UBE4A: variants seen among roughly 807,000 people sequenced by gnomAD.
UBE4A encodes ubiquitin conjugation factor E4 A.
In UBE4A, 48 loss-of-function variants were observed where a neutral mutation model predicts 117.9. The ratio of observed to expected loss-of-function variants is 0.41; its 90% CI spans 0.32 to 0.52. The LOEUF (loss-of-function observed/expected upper bound fraction) is 0.52. UBE4A is among the 20% of genes least tolerant of loss of function. The probability of loss-of-function intolerance (pLI) is 0.33; values close to 1 mark genes in which losing one functional copy is unlikely to be tolerated. For synonymous variants in UBE4A, 407 were observed against 450.0 expected (o/e 0.90, Z 1.21); for missense variants, 1,067 against 1,296.3 (o/e 0.82, Z 2.72).
At chr11:118,372,993 A>AG (rs976119606) in intron 6 of UBE4A, 93 bp from the exon 7 acceptor site, 2 of 1,261,350 alleles carry the variant, frequency 1.6e-6, no homozygotes, top group African/African-American at 3.0e-5. Context: ...TCTAAAAAAA[A>AG]AAAAAAAAGA....
intron 12 of UBE4A, 40 bp downstream of exon 12, chr11:118,381,563 G>A: frequency 1.9e-6 from 3 of 1,599,726 alleles, no homozygotes; most frequent in East Asian, 2.2e-5. Context: ...TGTTTAGGCT[G>A]TAAAACATTC....
chr11:118,380,182 A>C (rs1555126103), intron 11 of UBE4A, among the ~76,000 whole-genome samples: 2 of 143,434 alleles, frequency 1.4e-5, no homozygotes, highest in South Asian at 4.4e-4. Flanking sequence ...TGTGTCAGTG[A>C]GTCATTGAGG....
intron 16 of UBE4A, 98 bp downstream of exon 16, chr11:118,386,710 G>C: frequency 7.7e-7 from 1 of 1,305,974 alleles, no homozygotes; most frequent in Non-Finnish European, 1.0e-6. Context: ...TTCAGACCCT[G>C]GTGACAGTAT....
intron 12 of UBE4A, 128 bp downstream of exon 12, chr11:118,381,651 A>G (rs1565535621): frequency 4.7e-6 from 6 of 1,266,820 alleles, no homozygotes; most frequent in Non-Finnish European, 6.5e-6. Context: ...ACATTAAGGA[A>G]TCACCTGACC....
chr11:118,392,237 GT>G (rs1395799655), intron 18 of UBE4A, among the ~76,000 whole-genome samples: 6 of 152,112 alleles, frequency 3.9e-5, no homozygotes, highest in Admixed American at 3.9e-4. Flanking sequence ...GCTTAGCCAG[GT>G]GGATCCCTGA....
Position 118,396,535 on chromosome 11 carries a change from T to A in UBE4A, c.*95T>A. On this transcript the variant is annotated 3_prime_UTR_variant, in exon 20 of 20. Coordinates refer to ENST00000252108, the MANE Select transcript of UBE4A (RefSeq NM_001204077.2). The stretch of plus-strand genomic sequence containing the variant: ...TTCTGGTTCTGTTCCTTTTCTTTCT[T>A]CTTTTCTTTTTCTTTTTTTTTTTTT... 3 of 1,418,090 alleles carry A rather than the reference T, an allele frequency of 2.1e-6. No individual in the cohort carries two copies. The highest frequency in any genetic ancestry group is 2.7e-5 in the Admixed American group (1 of 36,864). The allele number at this position is 1,418,090 out of a possible 1,614,324, so 87.8% of individuals were successfully genotyped here.
At chr11:118,396,093 CAAA>C (rs377030115) in intron 19 of UBE4A, among the ~76,000 whole-genome samples, 8 of 80,632 alleles carry the variant, frequency 9.9e-5, no homozygotes, top group East Asian at 3.4e-4. Context: ...AGACTGTCTC[CAAA>C]AAAAAAAAAA....
chr11:118,370,110 A>T lies in UBE4A; in HGVS notation c.408+575A>T, dbSNP rs545890742. On this transcript the variant is annotated intron_variant, in intron 4 of 19. Transcript: ENST00000252108. ...CCGTCTCAAAAAAAAAAAAGAAAAA[A>T]TTACAAAGCCTTGCCAAATAAAAGT... is the stretch of plus-strand genomic sequence containing the variant. Among the ~76,000 whole-genome samples the T allele has an allele frequency of 3.3e-5, 5 of 151,970 alleles. No homozygotes were observed. In the South Asian group the frequency reaches 1.0e-3, roughly 32 times the overall value.
intron 19 of UBE4A, among the ~76,000 whole-genome samples, chr11:118,393,913 GT>G (rs1413320315): frequency 1.3e-5 from 2 of 151,802 alleles, no homozygotes; most frequent in African/African-American, 4.8e-5. Flanking sequence ...TCTAATTCAG[GT>G]TTTACACTAT....
chr11:118,376,717 G>GA, intron 10 of UBE4A, 23 bp downstream of exon 10: 1 of 1,607,320 alleles, frequency 6.2e-7, no homozygotes, highest in Non-Finnish European at 8.5e-7. Context: ...ATGTCATTAG[G>GA]AAAAAACAGT....
Position 118,376,600 on chromosome 11 carries a change from C to T in UBE4A, c.1477C>T (p.Pro493Ser). 6.2e-7 allele frequency: 1 copy of T among 1,613,484 alleles called. No homozygotes were observed. The highest frequency in any genetic ancestry group is 1.1e-5 in the South Asian group (1 of 91,032). Residue 493 changes from proline to serine, a missense_variant, in exon 10 of 20, where the codon CCA (proline) becomes TCA (serine). By Grantham distance (74) the Pro-to-Ser change is moderately conservative (BLOSUM62 -1). Around this residue, in one of 3 missense-constraint regions of UBE4A, gnomAD observed 1,001 missense variants for 1,184.0 expected, o/e 0.85. Transcript: ENST00000252108. ...TTTGGACAAAGAAACCTGTTTGATCCCAGCTGTGCAGGAGCCGAAGTTTCC... is the reference window on the plus strand; with the variant it reads ...TTTGGACAAAGAAACCTGTTTGATCTCAGCTGTGCAGGAGCCGAAGTTTCC... ...RGLDKETCLI[P>S]AVQEPKFPQN...
At position 118,376,681 on chromosome 11, in the gene UBE4A, T is replaced by G; in HGVS notation, c.1558T>G (p.Leu520Val). Residue 520 changes from leucine (L) to valine (V), a missense_variant, in exon 10 of 20, where the codon TTG (leucine) becomes GTG (valine). Transcript: ENST00000252108. ...TGCTCTGACAGAGTACACCTTGTACTTGGGATTTCACAGGTAACTCCTCTG... is the reference window on the plus strand; with the variant it reads ...TGCTCTGACAGAGTACACCTTGTACGTGGGATTTCACAGGTAACTCCTCTG... ...NLALTEYTLY[L>V]GFHRLHDQMV... 1 of 1,613,694 alleles carries G rather than the reference T, an allele frequency of 6.2e-7. No homozygotes were observed. Among genetic ancestry groups the G allele is most frequent in the Non-Finnish European group, 8.5e-7 (1 of 1,179,840 alleles).
rs560694982 is a variant in UBE4A, at chr11:118,367,179, G to A, written c.122-1452G>A. 1.3e-4 allele frequency among the ~76,000 whole-genome samples: 19 copies of A among 150,414 alleles called. 1 individual carries two copies. In the South Asian group the frequency reaches 2.5e-3, roughly 20 times the overall value. ...CACACCACTGCACTCCAGCCTGGGCGACAGAGTGAGAGTCCATCTCAAAAA... is the reference window on the plus strand; with the variant it reads ...CACACCACTGCACTCCAGCCTGGGCAACAGAGTGAGAGTCCATCTCAAAAA... On this transcript the variant is annotated intron_variant, in intron 2 of 19. Transcript: ENST00000252108.
rs138744395 is a variant in UBE4A, at chr11:118,362,947, G to A, written c.-41-2093G>A. Among the ~76,000 whole-genome samples, 38 of 152,260 alleles carry A rather than the reference G, an allele frequency of 2.5e-4. No homozygotes were observed. The East Asian group carries it at 6.9e-3, about 28-fold the overall frequency. ...CCTTCTGAACTGGTCAGCCTCTTCT[G>A]GATTGAGTGGAGTGGATACCCAAAG... On this transcript the variant is annotated intron_variant, in intron 1 of 19. Transcript: ENST00000252108.
At chr11:118,372,991 A>G in intron 6 of UBE4A, 95 bp from the exon 7 acceptor site, 1 of 1,242,166 alleles carries the variant, frequency 8.1e-7, no homozygotes, top group Non-Finnish European at 1.1e-6. Context: ...GCTCTAAAAA[A>G]AAAAAAAAAA....
intron 18 of UBE4A, among the ~76,000 whole-genome samples, chr11:118,391,587 G>A (rs1018846989): frequency 5.3e-5 from 8 of 151,616 alleles, no homozygotes; most frequent in Admixed American, 5.3e-4. Context: ...AAGGTCAGGA[G>A]ATAGCGACCA....
intron 5 of UBE4A, 131 bp from the exon 6 acceptor site, chr11:118,372,376 G>A: frequency 1.1e-6 from 1 of 917,780 alleles, no homozygotes; most frequent in South Asian, 2.5e-5. Context: ...TTAAGCCAAG[G>A]AAGGAATCTC....
At position 118,396,347 on chromosome 11, in the gene UBE4A, C is replaced by T; in HGVS notation, c.3108C>T (p.Leu1036=). The T allele has an allele frequency of 2.5e-6, 4 of 1,613,808 alleles. No individual in the cohort carries two copies. The highest frequency in any genetic ancestry group is 3.3e-5 in the Admixed American group (2 of 59,992). The stretch of plus-strand genomic sequence containing the variant: ...CAGATCCCTTTAACCGTAGTCCCCT[C>T]ACCATGGACCAGATCCGGCCAAACA... The part of the protein sequence containing the change: ...DQTDPFNRSP[L]TMDQIRPNTE... Residue 1036 remains leucine (L), a synonymous_variant, in exon 20 of 20, where the codon CTC becomes CTT. Coordinates refer to ENST00000252108, the MANE Select transcript of UBE4A (RefSeq NM_001204077.2).
intron 19 of UBE4A, among the ~76,000 whole-genome samples, chr11:118,393,136 G>A (rs907208214): frequency 6.6e-6 from 1 of 152,088 alleles, no homozygotes; most frequent in Non-Finnish European, 1.5e-5. Context: ...ATAATTTCTG[G>A]CCGGGTGCAG....
Sources: allele counts gnomAD v4.1 joint callset (sites outside exome capture counted in the v4.1 genomes callset), GRCh38; gene constraint gnomAD v4.1.1; regional missense constraint gnomAD v4.1.1; transcripts MANE v1.5; gene names NCBI Gene and HGNC (gene_info 2026-07-23, HGNC 2026-07-21).